The following NCF2 variants were observed in gnomAD, a reference collection of about 807,000 sequenced individuals.
NCF2 encodes neutrophil cytosol factor 2.
Under a neutral mutation model 70.9 loss-of-function variants are expected in NCF2, and 45 were observed. The ratio of observed to expected loss-of-function variants is 0.63; its 90% CI spans 0.50 to 0.81. The LOEUF (loss-of-function observed/expected upper bound fraction) is 0.81, where lower values mean the gene tolerates loss of function less well. Among genes scored for constraint, NCF2 ranks in the 40% least tolerant of loss-of-function variants. NCF2 has a pLI of 0.00. For synonymous variants in NCF2, 203 were observed against 233.6 expected, an observed-to-expected ratio of 0.87 and a Z score of 1.19; for missense variants, 522 against 631.6, an observed-to-expected ratio of 0.83 and a Z score of 1.86.
upstream of NCF2, among the ~76,000 whole-genome samples, chr1:183,595,496 G>A (rs561504228): frequency 9.2e-5 from 14 of 152,288 alleles, no homozygotes; most frequent in East Asian, 3.9e-4. Context: ...GTCTGGGCAC[G>A]GCTTAGTTGG....
chr1:183,556,325 T>A, intron 14 of NCF2, 95 bp from the exon 15 acceptor site: 1 of 1,039,458 alleles, frequency 9.6e-7, no homozygotes, highest in Non-Finnish European at 1.5e-6. Context: ...TCTGTCACCC[T>A]TCCCCACCCC....
intron 4 of NCF2, among the ~76,000 whole-genome samples, chr1:183,573,545 C>G (rs1356748186): frequency 6.6e-6 from 1 of 152,156 alleles, no homozygotes; most frequent in African/African-American, 2.4e-5. Flanking sequence ...AGAGGAACTG[C>G]TCCTCTCCCA....
At chr1:183,599,133 G>A in the NCF2 span, among the ~76,000 whole-genome samples, 1 of 152,200 alleles carries the variant, frequency 6.6e-6, no homozygotes, top group African/African-American at 2.4e-5. Context: ...TGTAATCCCA[G>A]CACTTTAGGA....
At position 183,574,507 on chromosome 1, in the gene NCF2, T is replaced by G. The variant is rs137878529; in HGVS notation, c.481A>C (p.Lys161Gln). 6.2e-7 allele frequency: 1 copy of G among 1,614,100 alleles called. No homozygotes were observed. The highest frequency in any genetic ancestry group is 1.3e-5 in the African/African-American group (1 of 74,942). Residue 161 changes from lysine to glutamine, a missense_variant, in exon 4 of 15, where the codon AAG becomes CAG. Transcript: ENST00000367535. ...KSEPRHSKID[K>Q]AMECVWKQKL... is the part of the protein sequence containing the mutation. ...CTTACCCAGACACACTCCATCGCCT[T>G]GTCGATTTTGGAATGTCTGGGCTCA... is the stretch of plus-strand genomic sequence containing the variant.
chr1:183,591,439 A>G (rs1289813109), upstream of NCF2, among the ~76,000 whole-genome samples: 1 of 151,766 alleles, frequency 6.6e-6, no homozygotes, highest in African/African-American at 2.4e-5. Context: ...TTTTTGAGAC[A>G]GGATAATCTT....
At chr1:183,579,738 CAAAAAAAAAAA>C (rs397982209) in intron 2 of NCF2, among the ~76,000 whole-genome samples, 104 of 38,870 alleles carry the variant, frequency 2.7e-3, no homozygotes, top group African/African-American at 5.2e-3. Flanking sequence ...GACTCTGTCT[CAAAAAAAAAAA>C]AAAAAAAAAA....
chr1:183,562,398 C>T (rs987297359), intron 13 of NCF2, among the ~76,000 whole-genome samples: 2 of 152,108 alleles, frequency 1.3e-5, no homozygotes, highest in Non-Finnish European at 2.9e-5. Context: ...CTCACACTCA[C>T]TCTTACCCCC....
chr1:183,569,314 A>T (rs1672444500), intron 6 of NCF2, 129 bp from the exon 7 acceptor site: 3 of 875,544 alleles, frequency 3.4e-6, no homozygotes, highest in Admixed American at 3.6e-5. Flanking sequence ...TTTCTGACTG[A>T]TGAGAACACT....
chr1:183,601,161 G>A, the NCF2 span, among the ~76,000 whole-genome samples: 1 of 152,120 alleles, frequency 6.6e-6, no homozygotes, highest in African/African-American at 2.4e-5. Flanking sequence ...AAGATTTTAA[G>A]CATATGCAAA....
chr1:183,582,206 C>T (rs1673150236), intron 2 of NCF2, among the ~76,000 whole-genome samples: 1 of 152,186 alleles, frequency 6.6e-6, no homozygotes, highest in Admixed American at 6.5e-5. Context: ...TGCGGCAGCC[C>T]CCGCCTCCCT....
intron 14 of NCF2, among the ~76,000 whole-genome samples, chr1:183,559,763 G>GCAGGAGAATTGCTTGAACC (rs892447277): frequency 2.0e-5 from 3 of 152,224 alleles, no homozygotes; most frequent in Non-Finnish European, 4.4e-5. Context: ...GGAGGCTGAG[G>GCAGGAGAATTGCTTGAACC]CAGGAGAATT....
rs564976793 is a variant in NCF2 at position 183,577,120 on chromosome 1, G to A, written c.366+479C>T. On this transcript the variant is annotated intron_variant, in intron 3 of 14. Transcript: ENST00000367535. ...TTTAGGTATCAATCAAGTACATGGG[G>A]TAAGAACCATGGATAGTAAAGAGTG... 3.3e-5 allele frequency among the ~76,000 whole-genome samples: 5 copies of A among 152,334 alleles called. No homozygotes were observed. The South Asian group carries it at 1.0e-3, about 32-fold the overall frequency.
At chr1:183,597,868 C>G in the NCF2 span, 1 of 152,286 alleles carries the variant, frequency 6.6e-6, no homozygotes, top group Non-Finnish European at 1.5e-5. Context: ...ATATGCCTGT[C>G]TCTTCTCTGG....
At chr1:183,567,468 C>T in intron 7 of NCF2, 123 bp from the exon 8 acceptor site, 9 of 1,374,552 alleles carry the variant, frequency 6.5e-6, no homozygotes, top group Non-Finnish European at 8.2e-6. Flanking sequence ...CTAACTGCAA[C>T]TGCCGAGATG....
intron 2 of NCF2, among the ~76,000 whole-genome samples, chr1:183,579,848 G>GCA (rs1451121389): frequency 6.6e-6 from 1 of 151,844 alleles, no homozygotes; most frequent in Admixed American, 6.6e-5. Context: ...ACAGTGCCTG[G>GCA]CACACACCAT....
rs1478057480 is a variant in NCF2 at position 183,590,155 on chromosome 1, CCTT to C, written c.172_174del (p.Lys58del). 1 of 1,614,170 alleles carries C rather than the reference CCTT, an allele frequency of 6.2e-7. No individual in the cohort carries two copies. The highest frequency in any genetic ancestry group is 1.1e-5 in the South Asian group (1 of 91,076). On this transcript the variant is annotated inframe_deletion and splice_region_variant, in exon 1 of 15. Coordinates refer to ENST00000367535, the MANE Select transcript of NCF2 (RefSeq NM_000433.4). ...GCCCGGAAAGAGGCACCTCCACTCA[CCTT>C]CTCTGCTTCAGTCATGTTCTTCAGG...
chr1:183,579,738 C>CA (rs397982209), intron 2 of NCF2, among the ~76,000 whole-genome samples: 13,347 of 38,562 alleles, frequency 0.35, 3,812 homozygotes, highest in East Asian at 0.49. Context: ...GACTCTGTCT[C>CA]AAAAAAAAAA....
At chr1:183,580,001 G>A (rs1231585476) in intron 2 of NCF2, among the ~76,000 whole-genome samples, 1 of 152,080 alleles carries the variant, frequency 6.6e-6, no homozygotes, top group Non-Finnish European at 1.5e-5. Context: ...AAAAATACAT[G>A]GCATAGAAGC....
At chr1:183,565,558 G>A (rs373072570) in intron 10 of NCF2, 146 bp downstream of exon 10, 7 of 760,270 alleles carry the variant, frequency 9.2e-6, no homozygotes, top group South Asian at 4.7e-5. Context: ...AGGAAAGGGG[G>A]ATTCTGGGGC....
Sources: gnomAD v4.1 joint callset for allele counts (sites outside exome capture counted in the v4.1 genomes callset) on GRCh38, gnomAD v4.1.1 for gene constraint, MANE v1.5 for transcripts, NCBI Gene and HGNC (gene_info 2026-07-23, HGNC 2026-07-21) for gene names.